LAMA3: variants seen among roughly 807,000 people sequenced by gnomAD.
LAMA3 encodes laminin subunit alpha-3.
A neutral mutation model predicts 402.0 loss-of-function variants in LAMA3; 281 were observed. That is an observed-to-expected ratio of 0.70 (90% CI 0.63 to 0.77). The LOEUF (loss-of-function observed/expected upper bound fraction) is 0.77. Ranked by LOEUF, LAMA3 falls within the 30% of genes least tolerant of loss-of-function variation. LAMA3 has a pLI of 0.00. For missense variants in LAMA3, 3,840 were observed against 4,215.5 expected (o/e 0.91, Z 2.47); for synonymous variants, 1,431 against 1,558.4 (o/e 0.92, Z 1.93).
At chr18:23,766,037 G>GA (rs1020573991) in intron 8 of LAMA3, among the ~76,000 whole-genome samples, 25 of 151,600 alleles carry the variant, frequency 1.6e-4, no homozygotes, top group African/African-American at 5.1e-4. Flanking sequence ...CAATGAATCA[G>GA]AAAAAAAAGT....
chr18:23,737,212 G>C (rs2146039690), intron 2 of LAMA3, among the ~76,000 whole-genome samples: 1 of 152,284 alleles, frequency 6.6e-6, no homozygotes, highest in South Asian at 2.1e-4. Context: ...TTCTGGGGTA[G>C]GCTGCCATCC....
chr18:23,886,253 C>T (rs114122041), intron 41 of LAMA3, among the ~76,000 whole-genome samples: 322 of 152,254 alleles, frequency 2.1e-3, no homozygotes, highest in African/African-American at 7.2e-3. Flanking sequence ...CAAAATTGCC[C>T]TCCAGAAAAG....
chr18:23,868,227 T>A (rs1034195910), intron 37 of LAMA3, among the ~76,000 whole-genome samples: 4 of 152,056 alleles, frequency 2.6e-5, no homozygotes, highest in Non-Finnish European at 5.9e-5. Flanking sequence ...AGAAAAAAAA[T>A]TCTGAAACTT....
chr18:23,814,548 T>C (rs1388070720), intron 15 of LAMA3, 46 bp downstream of exon 15: 1 of 1,240,282 alleles, frequency 8.1e-7, no homozygotes, highest in Non-Finnish European at 1.2e-6. Flanking sequence ...AATGTTCTCT[T>C]AATTTTCTCT....
At position 23,879,156 on chromosome 18, in the gene LAMA3, C is replaced by A. The variant is rs1307356560; in HGVS notation, c.5112+2749C>A. Among the ~76,000 whole-genome samples the A allele has an allele frequency of 1.3e-5, 2 of 152,144 alleles. No homozygotes were observed. Among genetic ancestry groups the A allele is most frequent in the African/African-American group, 4.8e-5 (2 of 41,426 alleles). The stretch of plus-strand genomic sequence containing the variant: ...GCAATGGAATTTCCAAATGATTTAT[C>A]TGAAATTCACAGCTGACATGGTGCT... On this transcript the variant is annotated intron_variant, in intron 39 of 74. Transcript: ENST00000313654. The surrounding 1 kb of genome is among the most constrained non-coding windows in gnomAD (Gnocchi z 4.2).
chr18:23,734,891 G>A (rs761294855), intron 2 of LAMA3, among the ~76,000 whole-genome samples: 1 of 152,222 alleles, frequency 6.6e-6, no homozygotes. Context: ...GCAGGAGCAG[G>A]ACCTGGCCGT....
intron 10 of LAMA3, among the ~76,000 whole-genome samples, chr18:23,777,328 C>T (rs941683708): frequency 3.3e-5 from 5 of 151,798 alleles, no homozygotes; most frequent in Non-Finnish European, 4.4e-5. Flanking sequence ...ATTGTGAGCA[C>T]GAAACATTCA....
intron 7 of LAMA3, 63 bp from the exon 8 acceptor site, chr18:23,763,342 C>T (rs1056914856): frequency 1.0e-4 from 105 of 1,022,086 alleles, no homozygotes; most frequent in Non-Finnish European, 1.2e-4. Context: ...ATACTATTTA[C>T]GCTATTTACT....
intron 13 of LAMA3, among the ~76,000 whole-genome samples, chr18:23,812,548 C>G (rs2063094439): frequency 6.6e-6 from 1 of 152,102 alleles, no homozygotes; most frequent in African/African-American, 2.4e-5. Flanking sequence ...TTGCAAGATC[C>G]CAATTTATTG....
chr18:23,892,678 G>A (rs1259634612), intron 42 of LAMA3, among the ~76,000 whole-genome samples: 1 of 152,050 alleles, frequency 6.6e-6, no homozygotes, highest in East Asian at 1.9e-4. Context: ...TGAGGTGGGT[G>A]GATCACCTGA....
At chr18:23,758,734 G>T (rs1045982500) in intron 7 of LAMA3, among the ~76,000 whole-genome samples, 26 of 152,364 alleles carry the variant, frequency 1.7e-4, no homozygotes, top group Middle Eastern at 3.4e-3. Context: ...TGATGACCAT[G>T]CATGATGGGG....
Position 23,815,566 on chromosome 18 carries a change from G to A in LAMA3, c.2040G>A (p.Gly680=). The change falls in exon 17 of 75, where the codon GGG becomes GGA. Residue 680 remains glycine (G), a synonymous_variant. Coordinates refer to ENST00000313654, the MANE Select transcript of LAMA3 (RefSeq NM_198129.4). ...CTTTGGAAAAGAGCAATTACTTTGGGTGTCAAGGTAAATAAGTCCATTGGG... is the reference window on the plus strand; with the variant it reads ...CTTTGGAAAAGAGCAATTACTTTGGATGTCAAGGTAAATAAGTCCATTGGG... ...YFALEKSNYF[G]CQGCQCDIGG... 1 of 1,610,916 alleles carries A rather than the reference G, an allele frequency of 6.2e-7. No homozygotes were observed.
chr18:23,945,548 C>T (rs2082680921), intron 69 of LAMA3, among the ~76,000 whole-genome samples: 2 of 152,094 alleles, frequency 1.3e-5, no homozygotes, highest in African/African-American at 4.8e-5. Flanking sequence ...ACCTTCAAGC[C>T]CAGGTGTCAG....
At chr18:23,859,855 G>A (rs9951180) in intron 34 of LAMA3, among the ~76,000 whole-genome samples, 108 of 152,278 alleles carry the variant, frequency 7.1e-4, no homozygotes, top group African/African-American at 2.5e-3. Flanking sequence ...TGGGGGTAGG[G>A]CTGAAAGTCC....
intron 56 of LAMA3, among the ~76,000 whole-genome samples, chr18:23,913,614 C>T (rs890762766): frequency 6.6e-6 from 1 of 152,176 alleles, no homozygotes; most frequent in Non-Finnish European, 1.5e-5. Flanking sequence ...CTCAAAAATT[C>T]TGCCCAATTA....
At chr18:23,756,475 C>CA (rs1423101214) in intron 6 of LAMA3, among the ~76,000 whole-genome samples, 6 of 120,478 alleles carry the variant, frequency 5.0e-5, no homozygotes, top group Admixed American at 9.6e-5. Context: ...AAAAAAAACC[C>CA]AAAAAAACCC....
intron 8 of LAMA3, 100 bp downstream of exon 8, chr18:23,763,623 G>A (rs979808356): frequency 1.1e-5 from 9 of 816,924 alleles, no homozygotes; most frequent in African/African-American, 8.4e-5. Context: ...GCAGGCAATC[G>A]TAAGAGTTTT....
In LAMA3 at chr18:23,939,502, C is replaced by T. The variant is rs2145464187; in HGVS notation, c.9026+116C>T. 1 of 1,136,796 alleles carries T rather than the reference C, an allele frequency of 8.8e-7. No individual in the cohort carries two copies. The highest frequency in any genetic ancestry group is 1.3e-6 in the Non-Finnish European group (1 of 758,944). The allele number at this position is 1,136,796 out of a possible 1,614,324, so 70.4% of individuals were successfully genotyped here. ...GCTCTCTCTAATGAAGGTGGCACTACCATTTTTGTGCAAAGAGGTGCTGGC... is the reference window on the plus strand; with the variant it reads ...GCTCTCTCTAATGAAGGTGGCACTATCATTTTTGTGCAAAGAGGTGCTGGC... On this transcript the variant is annotated intron_variant, in intron 68 of 74. Transcript: ENST00000313654.
chr18:23,934,037 C>A (rs2082242748), intron 67 of LAMA3, 102 bp downstream of exon 67: 2 of 1,115,282 alleles, frequency 1.8e-6, no homozygotes, highest in Non-Finnish European at 2.7e-6. Context: ...GCTCACCAGT[C>A]CATAAAGTGG....
Sources: allele counts gnomAD v4.1 joint callset (sites outside exome capture counted in the v4.1 genomes callset), GRCh38; gene constraint gnomAD v4.1.1; non-coding constraint Gnocchi (gnomAD v3.1); transcripts MANE v1.5; gene names NCBI Gene and HGNC (gene_info 2026-07-23, HGNC 2026-07-21).